FGL2: variants seen among roughly 807,000 people sequenced by gnomAD.
FGL2 encodes the protein fibroleukin.
A neutral mutation model predicts 36.0 loss-of-function variants in FGL2; 21 were observed. The observed-to-expected ratio is 0.58, with a 90% CI of 0.41 to 0.84. The LOEUF (loss-of-function observed/expected upper bound fraction) is 0.84, where lower values mean the gene tolerates loss of function less well. Ranked by LOEUF, FGL2 falls within the 40% of genes least tolerant of loss-of-function variation. The probability of loss-of-function intolerance (pLI) is 0.00; values close to 1 mark genes in which losing one functional copy is unlikely to be tolerated. For missense variants in FGL2, 444 were observed against 526.3 expected, an observed-to-expected ratio of 0.84 and a Z score of 1.53; for synonymous variants, 183 against 190.7, an observed-to-expected ratio of 0.96 and a Z score of 0.33.
At position 77,196,148 on chromosome 7, in the gene FGL2, T is replaced by G; in HGVS notation, c.*131A>C. The G allele has an allele frequency of 1.5e-6, 1 of 656,950 alleles. No individual in the cohort carries two copies. The allele number at this position is 656,950 out of a possible 1,614,324, so 40.7% of individuals were successfully genotyped here. A position where few individuals can be genotyped will look rare whatever the true frequency, so the allele number is the denominator to read the frequency against. On this transcript the variant is annotated 3_prime_UTR_variant, in exon 2 of 2. Transcript: ENST00000248598. This position sits in a 1 kb window ranked among gnomAD's most constrained non-coding sequence, Gnocchi z 4.2. Reference sequence around the variant, plus strand: ...TTTCAGCTTTATTTCAAATGCTGTGTAGCATAAGAACCTAGCCGTCAGACA... The same window carrying G: ...TTTCAGCTTTATTTCAAATGCTGTGGAGCATAAGAACCTAGCCGTCAGACA...
Position 77,196,423 on chromosome 7 carries a change from T to G in FGL2, c.1176A>C (p.Lys392Asn). The G allele has an allele frequency of 6.2e-7, 1 of 1,614,132 alleles. No individual in the cohort carries two copies. Among genetic ancestry groups the G allele is most frequent in the Non-Finnish European group, 8.5e-7 (1 of 1,180,016 alleles). The change falls in exon 2 of 2, where the codon AAA (lysine) becomes AAC (asparagine). Residue 392 changes from lysine (K) to asparagine (N), a missense_variant. By Grantham distance (94) the Lys-to-Asn change is moderately conservative. Transcript: ENST00000248598. The surrounding 1 kb of genome is among the most constrained non-coding windows in gnomAD (Gnocchi z 4.2). ...CACCTCTGTATTTTTGGTGATAATATTTGCCATTTAAGTTTGCAGAAAGAC... is the reference window on the plus strand; with the variant it reads ...CACCTCTGTATTTTTGGTGATAATAGTTGCCATTTAAGTTTGCAGAAAGAC... Reference protein sequence around the residue: ...DACLSANLNGKYYHQKYRGVR... With the variant: ...DACLSANLNGNYYHQKYRGVR...
At position 77,196,941 on chromosome 7, in the gene FGL2, C is replaced by G. The variant is rs147079564; in HGVS notation, c.658G>C (p.Gly220Arg). Residue 220 changes from glycine (G) to arginine (R), a missense_variant, in exon 2 of 2, where the codon GGC becomes CGC. By Grantham distance (125) the Gly-to-Arg change is moderately radical (BLOSUM62 -2). Coordinates refer to ENST00000248598, the MANE Select transcript of FGL2 (RefSeq NM_006682.3). The surrounding 1 kb of genome is among the most constrained non-coding windows in gnomAD (Gnocchi z 4.2). The part of the protein sequence containing the change: ...YKDCSDYYAI[G>R]KRSSETYRVT... The stretch of plus-strand genomic sequence containing the variant: ...CTGTAGGTCTCACTGCTTCTTTTGC[C>G]TATTGCGTAGTAGTCAGAGCAATCT... 6.2e-4 allele frequency: 1,002 copies of G among 1,613,166 alleles called. No homozygotes were observed. Among genetic ancestry groups the G allele is most frequent in the Non-Finnish European group, 7.3e-4 (859 of 1,179,726 alleles).
At position 77,193,960 on chromosome 7, in the gene FGL2, G is replaced by T. The variant is rs1176448997; in HGVS notation, c.*2319C>A. The T allele has an allele frequency of 6.6e-6, 1 of 152,462 alleles. No homozygotes were observed. Among genetic ancestry groups the T allele is most frequent in the African/African-American group, 2.4e-5 (1 of 41,438 alleles). 9.4% of individuals were successfully genotyped at this position (152,462 alleles called of 1,614,324 possible). On this transcript the variant is annotated 3_prime_UTR_variant, in exon 2 of 2. Transcript: ENST00000248598. ...CATCAACATGTTAAATGTTATAAAA[G>T]TCTAGAATTATTGGTAACATGAAAT...
rs776444180 is a variant in FGL2 at position 77,199,242 on chromosome 7, G to A, written c.552C>T (p.Val184=). 1 of 1,613,822 alleles carries A rather than the reference G, an allele frequency of 6.2e-7. No individual in the cohort carries two copies. The highest frequency in any genetic ancestry group is 2.2e-5 in the East Asian group (1 of 44,868). ...DSKVANLTFV[V]NSLDGKCSKC... is the part of the protein sequence containing the mutation. ...TTGAACATTTGCCATCCAAACTATT[G>A]ACAACAAATGTTAGATTTGCCACTT... The change falls in exon 1 of 2, where the codon GTC becomes GTT. Residue 184 remains valine (V), a synonymous_variant. Transcript: ENST00000248598.
In FGL2 at chr7:77,198,072, T is replaced by C. The variant is rs905782832; in HGVS notation, c.614-1087A>G. ...AAAATAGACAATAGTCTTCATATCA[T>C]GACAAGTTGCCATGCAGCATCTAAT... On this transcript the variant is annotated intron_variant, in intron 1 of 1. Coordinates refer to ENST00000248598, the MANE Select transcript of FGL2 (RefSeq NM_006682.3). 8 of 933,288 alleles carry C rather than the reference T, an allele frequency of 8.6e-6. No individual in the cohort carries two copies. The South Asian group carries it at 4.0e-4, about 46-fold the overall frequency. 57.8% of individuals were successfully genotyped at this position (933,288 alleles called of 1,614,324 possible).
chr7:77,199,814 C>T lies in FGL2; in HGVS notation c.-21G>A. ...TTCATCTTTACAGTGCTGCTCACCC[C>T]AGCAGGGAGTGCGCAGGGCTGGAGC... is the stretch of plus-strand genomic sequence containing the variant. On this transcript the variant is annotated 5_prime_UTR_variant, in exon 1 of 2. Coordinates refer to ENST00000248598, the MANE Select transcript of FGL2 (RefSeq NM_006682.3). 6.2e-7 allele frequency: 1 copy of T among 1,605,366 alleles called. No individual in the cohort carries two copies. The highest frequency in any genetic ancestry group is 8.5e-7 in the Non-Finnish European group (1 of 1,174,592).
chr7:77,196,922 G>C lies in FGL2; in HGVS notation c.677C>G (p.Thr226Ser), dbSNP rs371989577. 6.2e-7 allele frequency: 1 copy of C among 1,613,576 alleles called. No individual in the cohort carries two copies. Among genetic ancestry groups the C allele is most frequent in the Non-Finnish European group, 8.5e-7 (1 of 1,179,884 alleles). ...TTTGGGATCAGGTGTAACTCTGTAG[G>C]TCTCACTGCTTCTTTTGCCTATTGC... ...YYAIGKRSSETYRVTPDPKNS... is the reference protein window; with the variant it reads ...YYAIGKRSSESYRVTPDPKNS... The change falls in exon 2 of 2, where the codon ACC becomes AGC. Residue 226 changes from threonine (T) to serine (S), a missense_variant. Thr to Ser is a moderately conservative substitution (Grantham distance 58, BLOSUM62 1). Coordinates refer to ENST00000248598, the MANE Select transcript of FGL2 (RefSeq NM_006682.3). This position sits in a 1 kb window ranked among gnomAD's most constrained non-coding sequence, Gnocchi z 4.2.
chr7:77,198,220 C>T (rs780001657), intron 1 of FGL2: 23 of 985,464 alleles, frequency 2.3e-5, no homozygotes, highest in Non-Finnish European at 2.7e-5. Context: ...TGACCCTTCC[C>T]TCCTTCACTG....
In FGL2 at chr7:77,196,364, C is replaced by G. The variant is rs1791869943; in HGVS notation, c.1235G>C (p.Gly412Ala). The change falls in exon 2 of 2, where the codon GGT becomes GCT. Residue 412 changes from glycine (G) to alanine (A), a missense_variant. By Grantham distance (60) the Gly-to-Ala change is moderately conservative. Coordinates refer to ENST00000248598, the MANE Select transcript of FGL2 (RefSeq NM_006682.3). The surrounding 1 kb of genome is among the most constrained non-coding windows in gnomAD (Gnocchi z 4.2). ...RNGIFWGTWPGVSEAHPGGYK... is the reference protein window; with the variant it reads ...RNGIFWGTWPAVSEAHPGGYK... ...GCCACCAGGGTGTGCCTCACTTACA[C>G]CAGGCCAGGTACCCCAGAAAATCCC... 6.2e-7 allele frequency: 1 copy of G among 1,614,100 alleles called. No homozygotes were observed. Among genetic ancestry groups the G allele is most frequent in the Non-Finnish European group, 8.5e-7 (1 of 1,180,010 alleles).
Position 77,199,819 on chromosome 7 carries a change from G to A in FGL2, c.-26C>T, listed in dbSNP as rs755713780. 1.9e-6 allele frequency: 3 copies of A among 1,602,976 alleles called. No homozygotes were observed. Among genetic ancestry groups the A allele is most frequent in the Non-Finnish European group, 8.5e-7 (1 of 1,173,276 alleles). On this transcript the variant is annotated 5_prime_UTR_variant, in exon 1 of 2. Coordinates refer to ENST00000248598, the MANE Select transcript of FGL2 (RefSeq NM_006682.3). ...CTTTACAGTGCTGCTCACCCCAGCAGGGAGTGCGCAGGGCTGGAGCTGCTT... is the reference window on the plus strand; with the variant it reads ...CTTTACAGTGCTGCTCACCCCAGCAAGGAGTGCGCAGGGCTGGAGCTGCTT...
chr7:77,197,226 C>A (rs560470170), intron 1 of FGL2, among the ~76,000 whole-genome samples: 1 of 152,214 alleles, frequency 6.6e-6, no homozygotes, highest in Non-Finnish European at 1.5e-5. Flanking sequence ...GCATCAACAG[C>A]AAACGACAAT....
In FGL2 at chr7:77,195,058, C is replaced by A. The variant is rs1254701100; in HGVS notation, c.*1221G>T. 1.3e-5 allele frequency: 2 copies of A among 152,006 alleles called. No homozygotes were observed. Among genetic ancestry groups the A allele is most frequent in the African/African-American group, 4.8e-5 (2 of 41,400 alleles). 9.4% of individuals were successfully genotyped at this position (152,006 alleles called of 1,614,324 possible). A position where few individuals can be genotyped will look rare whatever the true frequency, so the allele number is the denominator to read the frequency against. Reference sequence around the variant, plus strand: ...TTCTATCTGTCCTAGAGAAACTTAGCCTTCTATGAAGTGAATCACTTAATG... The same window carrying A: ...TTCTATCTGTCCTAGAGAAACTTAGACTTCTATGAAGTGAATCACTTAATG... On this transcript the variant is annotated 3_prime_UTR_variant, in exon 2 of 2. Coordinates refer to ENST00000248598, the MANE Select transcript of FGL2 (RefSeq NM_006682.3).
In FGL2 at chr7:77,196,191, A is replaced by G; in HGVS notation, c.*88T>C. The G allele has an allele frequency of 1.0e-6, 1 of 959,574 alleles. No homozygotes were observed. Among genetic ancestry groups the G allele is most frequent in the Admixed American group, 2.8e-5 (1 of 35,602 alleles). 59.4% of individuals were successfully genotyped at this position (959,574 alleles called of 1,614,324 possible). A position where few individuals can be genotyped will look rare whatever the true frequency, so the allele number is the denominator to read the frequency against. Reference sequence around the variant, plus strand: ...GTCAGACATCATTTTTTAGCTATGAAAAATATGAAACAAGGCATATTCTAA... The same window carrying G: ...GTCAGACATCATTTTTTAGCTATGAGAAATATGAAACAAGGCATATTCTAA... On this transcript the variant is annotated 3_prime_UTR_variant, in exon 2 of 2. Transcript: ENST00000248598. This position sits in a 1 kb window ranked among gnomAD's most constrained non-coding sequence, Gnocchi z 4.2.
rs1791835389 is a variant in FGL2, at chr7:77,194,836, G to A, written c.*1443C>T. Reference sequence around the variant, plus strand: ...TGAGATGATCCCTTTTTACGATGATGAAATTAAACACATTTAAAAAGTCTT... The same window carrying A: ...TGAGATGATCCCTTTTTACGATGATAAAATTAAACACATTTAAAAAGTCTT... On this transcript the variant is annotated 3_prime_UTR_variant, in exon 2 of 2. Transcript: ENST00000248598. 1 of 152,040 alleles carries A rather than the reference G, an allele frequency of 6.6e-6. No homozygotes were observed. Among genetic ancestry groups the A allele is most frequent in the South Asian group, 2.1e-4 (1 of 4,832 alleles). 9.4% of individuals were successfully genotyped at this position (152,040 alleles called of 1,614,324 possible). A position where few individuals can be genotyped will look rare whatever the true frequency, so the allele number is the denominator to read the frequency against.
rs1791933349 is a variant in FGL2 at position 77,199,239 on chromosome 7, A to G, written c.555T>C (p.Asn185=). The change falls in exon 1 of 2, where the codon AAT becomes AAC. Residue 185 remains asparagine, a synonymous_variant. Coordinates refer to ENST00000248598, the MANE Select transcript of FGL2 (RefSeq NM_006682.3). The part of the protein sequence containing the change: ...SKVANLTFVV[N]SLDGKCSKCP... The stretch of plus-strand genomic sequence containing the variant: ...ACTTTGAACATTTGCCATCCAAACT[A>G]TTGACAACAAATGTTAGATTTGCCA... 6.2e-7 allele frequency: 1 copy of G among 1,613,856 alleles called. No individual in the cohort carries two copies. The highest frequency in any genetic ancestry group is 8.5e-7 in the Non-Finnish European group (1 of 1,179,768).
rs150654104 is a variant in FGL2, at chr7:77,199,709, C to T, written c.85G>A (p.Glu29Lys). ...TCCTTTGCTCTTTCATCTTTAATTT[C>T]CTCTGTTTCATTGTTTGCCACAACC... ...FLVVANNETE[E>K]IKDERAKDVC... Residue 29 changes from glutamate (E) to lysine (K), a missense_variant, in exon 1 of 2, where the codon GAA becomes AAA. Transcript: ENST00000248598. The T allele has an allele frequency of 6.2e-7, 1 of 1,614,122 alleles. No homozygotes were observed. The highest frequency in any genetic ancestry group is 8.5e-7 in the Non-Finnish European group (1 of 1,179,998).
At chr7:77,198,520 T>C (rs1017968191) in intron 1 of FGL2, 7 of 154,296 alleles carry the variant, frequency 4.5e-5, no homozygotes, top group Non-Finnish European at 8.6e-5. Context: ...GAGGATGGGT[T>C]CTACTTCTAT....
chr7:77,198,222 C>T (rs1791912630), intron 1 of FGL2: 4 of 985,438 alleles, frequency 4.1e-6, no homozygotes, highest in East Asian at 1.1e-4. Flanking sequence ...ACCCTTCCCT[C>T]CTTCACTGGC....
intron 1 of FGL2, 87 bp downstream of exon 1, chr7:77,199,094 A>C: frequency 8.8e-7 from 1 of 1,140,312 alleles, no homozygotes; most frequent in Non-Finnish European, 1.3e-6. Context: ...CATCTATTTA[A>C]CTTACTGACT....
Sources: allele counts gnomAD v4.1 joint callset (sites outside exome capture counted in the v4.1 genomes callset), GRCh38; gene constraint gnomAD v4.1.1; non-coding constraint Gnocchi (gnomAD v3.1); transcripts MANE v1.5; gene names NCBI Gene and HGNC (gene_info 2026-07-23, HGNC 2026-07-21).